The following NKAIN2 variants were observed in gnomAD, a reference collection of about 807,000 sequenced individuals.
NKAIN2 encodes sodium/potassium transporting ATPase interacting 2, also known as sodium/potassium-transporting ATPase subunit beta-1-interacting protein 2.
Under a neutral mutation model 32.6 loss-of-function variants are expected in NKAIN2, and 14 were observed. The ratio of observed to expected loss-of-function variants is 0.43; its 90% CI spans 0.28 to 0.67. The LOEUF is 0.67. Ranked by LOEUF, NKAIN2 falls within the 30% of genes least tolerant of loss-of-function variation. NKAIN2 has a pLI of 0.17. For synonymous variants in NKAIN2, 80 were observed against 87.2 expected, an observed-to-expected ratio of 0.92 and a Z score of 0.46; for missense variants, 198 against 258.3, an observed-to-expected ratio of 0.77 and a Z score of 1.60.
chr6:124,420,795 G>C (rs1169923767), intron 3 of NKAIN2, among the ~76,000 whole-genome samples: 1 of 151,928 alleles, frequency 6.6e-6, no homozygotes, highest in Non-Finnish European at 1.5e-5. Flanking sequence ...TTCTGCTTTT[G>C]TATAGCTTTA....
intron 4 of NKAIN2, among the ~76,000 whole-genome samples, chr6:124,740,628 G>A (rs1246128134): frequency 6.6e-6 from 1 of 151,970 alleles, no homozygotes; most frequent in Non-Finnish European, 1.5e-5. Flanking sequence ...AATCAACCAT[G>A]TTAATATCTA....
At chr6:124,016,159 G>A (rs1433955200) in intron 1 of NKAIN2, among the ~76,000 whole-genome samples, 1 of 151,830 alleles carries the variant, frequency 6.6e-6, no homozygotes, top group Non-Finnish European at 1.5e-5. Flanking sequence ...ACCTCTCTTG[G>A]CAAAAGTTAC....
At chr6:123,962,190 A>C (rs540287671) in intron 1 of NKAIN2, among the ~76,000 whole-genome samples, 15 of 152,328 alleles carry the variant, frequency 9.8e-5, no homozygotes, top group African/African-American at 3.4e-4. Flanking sequence ...ATGTATTTTC[A>C]AATCCTATTT....
At chr6:124,807,738 G>C (rs149148963) in intron 5 of NKAIN2, among the ~76,000 whole-genome samples, 1 of 150,576 alleles carries the variant, frequency 6.6e-6, no homozygotes, top group Non-Finnish European at 1.5e-5. Flanking sequence ...TTGATAGACC[G>C]CTAGCAATAA....
At chr6:124,218,428 C>T (rs569614706) in intron 1 of NKAIN2, among the ~76,000 whole-genome samples, 3 of 152,144 alleles carry the variant, frequency 2.0e-5, no homozygotes, top group South Asian at 2.1e-4. Flanking sequence ...ATATAAATGA[C>T]ACTTTTCAAC....
At chr6:124,311,421 C>T (rs1159856859) in intron 2 of NKAIN2, among the ~76,000 whole-genome samples, 3 of 152,136 alleles carry the variant, frequency 2.0e-5, no homozygotes, top group Non-Finnish European at 2.9e-5. Context: ...TGTGGCCATG[C>T]GCTCACATGC....
At chr6:124,081,476 G>A (rs2114907295) in intron 1 of NKAIN2, among the ~76,000 whole-genome samples, 1 of 152,060 alleles carries the variant, frequency 6.6e-6, no homozygotes, top group East Asian at 1.9e-4. Flanking sequence ...TACTAGAATT[G>A]AATGGTATTA....
intron 4 of NKAIN2, among the ~76,000 whole-genome samples, chr6:124,667,905 A>G (rs188101213): frequency 8.7e-4 from 133 of 152,302 alleles, no homozygotes; most frequent in South Asian, 5.6e-3. Flanking sequence ...TTTTGCTTTT[A>G]CCAATCTTAT....
chr6:124,668,796 T>A (rs560638871), intron 4 of NKAIN2, among the ~76,000 whole-genome samples: 7 of 152,280 alleles, frequency 4.6e-5, no homozygotes, highest in African/African-American at 1.7e-4. Flanking sequence ...GCTTACAATT[T>A]AAAAATTAGA....
intron 4 of NKAIN2, among the ~76,000 whole-genome samples, chr6:124,684,548 A>G (rs1479048): frequency 0.25 from 37,275 of 152,030 alleles, 4,916 homozygotes; most frequent in East Asian, 0.42. Context: ...ATTTGCTGGG[A>G]TTAGGGGAGT....
chr6:124,541,250 T>A (rs945620397), intron 3 of NKAIN2, among the ~76,000 whole-genome samples: 10 of 152,168 alleles, frequency 6.6e-5, no homozygotes, highest in Admixed American at 1.3e-4. Flanking sequence ...CTGTGCAATA[T>A]TTTAGGGTGG....
chr6:124,478,455 T>G (rs1015838112), intron 3 of NKAIN2, among the ~76,000 whole-genome samples: 14 of 152,106 alleles, frequency 9.2e-5, no homozygotes, highest in Middle Eastern at 3.2e-3. Flanking sequence ...GAGCATCTGG[T>G]AGTGTCAGAG....
chr6:124,071,142 ACC>A (rs1486756186), intron 1 of NKAIN2, among the ~76,000 whole-genome samples: 1 of 152,018 alleles, frequency 6.6e-6, no homozygotes, highest in Non-Finnish European at 1.5e-5. Context: ...AAAAGAGAGA[ACC>A]CAGTAATAAA....
At chr6:124,728,839 G>A (rs1776478631) in intron 4 of NKAIN2, among the ~76,000 whole-genome samples, 2 of 151,738 alleles carry the variant, frequency 1.3e-5, no homozygotes, top group Non-Finnish European at 1.5e-5. Flanking sequence ...AAAGAGAGAA[G>A]AATCTAATAG....
intron 5 of NKAIN2, among the ~76,000 whole-genome samples, chr6:124,812,848 A>G (rs1198079825): frequency 6.6e-6 from 1 of 151,940 alleles, no homozygotes; most frequent in Non-Finnish European, 1.5e-5. Context: ...GCCATGAACT[A>G]TGTTTTCTAC....
intron 1 of NKAIN2, among the ~76,000 whole-genome samples, chr6:123,892,564 G>A (rs1316802835): frequency 3.9e-5 from 6 of 151,922 alleles, no homozygotes; most frequent in Non-Finnish European, 7.4e-5. Context: ...GACACGTGGG[G>A]ATTATTATAA....
chr6:124,383,579 C>T (rs1772747735), intron 3 of NKAIN2, among the ~76,000 whole-genome samples: 1 of 152,140 alleles, frequency 6.6e-6, no homozygotes, highest in Admixed American at 6.5e-5. Context: ...ACGTGCTGTT[C>T]CCTCAGCCTG....
chr6:124,423,960 A>G (rs753352883), intron 3 of NKAIN2, among the ~76,000 whole-genome samples: 10 of 152,290 alleles, frequency 6.6e-5, no homozygotes, highest in Non-Finnish European at 8.8e-5. Context: ...GCAGTATGTA[A>G]TACATATTAT....
Position 124,226,305 on chromosome 6 carries a change from C to T in NKAIN2, c.55-56700C>T, listed in dbSNP as rs1880204. On this transcript the variant is annotated intron_variant, in intron 1 of 6. Coordinates refer to ENST00000368417, the MANE Select transcript of NKAIN2 (RefSeq NM_001040214.3). The stretch of plus-strand genomic sequence containing the variant: ...TAAAAGTACCCTGAAATTTGATATC[C>T]TTTCTCATCAGCATCTGCCTATTTG... 7.2e-3 allele frequency among the ~76,000 whole-genome samples: 1,092 copies of T among 152,030 alleles called. 45 individuals carry two copies. Among genetic ancestry groups the T allele is most frequent in the Admixed American group, 0.061 (924 of 15,244 alleles).
Sources: gnomAD v4.1 joint callset for allele counts (sites outside exome capture counted in the v4.1 genomes callset) on GRCh38, gnomAD v4.1.1 for gene constraint, MANE v1.5 for transcripts, NCBI Gene and HGNC (gene_info 2026-07-23, HGNC 2026-07-21) for gene names.